Variants in APPBP2 observed in about 807,000 individuals in gnomAD.
The protein encoded by APPBP2 is amyloid protein-binding protein 2.
In APPBP2, 15 loss-of-function variants were observed where a neutral mutation model predicts 76.0. The ratio of observed to expected loss-of-function variants is 0.20; its 90% CI spans 0.13 to 0.30. The LOEUF is 0.30. APPBP2 is among the 10% of genes least tolerant of loss of function. The probability of loss-of-function intolerance (pLI) is 1.00; values close to 1 mark genes in which losing one functional copy is unlikely to be tolerated. For missense variants in APPBP2, 401 were observed against 687.2 expected, an observed-to-expected ratio of 0.58 and a Z score of 4.66; for synonymous variants, 222 against 242.2, an observed-to-expected ratio of 0.92 and a Z score of 0.77.
chr17:60,493,144 G>A (rs775411524), intron 3 of APPBP2, among the ~76,000 whole-genome samples: 9 of 151,988 alleles, frequency 5.9e-5, no homozygotes, highest in Non-Finnish European at 8.8e-5. Flanking sequence ...TCCACCTTCC[G>A]CCATGATTGT....
At chr17:60,509,958 A>G (rs1475001552) in intron 1 of APPBP2, among the ~76,000 whole-genome samples, 1 of 152,228 alleles carries the variant, frequency 6.6e-6, no homozygotes, top group African/African-American at 2.4e-5. Flanking sequence ...GGAATTCATT[A>G]TTCTATTCTA....
chr17:60,522,383 C>T (rs751302753), intron 1 of APPBP2, among the ~76,000 whole-genome samples: 5 of 152,128 alleles, frequency 3.3e-5, no homozygotes, highest in Admixed American at 6.6e-5. Context: ...AGTGCAGTGG[C>T]ACAATGACAG....
chr17:60,462,469 A>T (rs1331747313), intron 6 of APPBP2: 2 of 161,944 alleles, frequency 1.2e-5, no homozygotes, highest in African/African-American at 4.8e-5. Flanking sequence ...AATAATTTTT[A>T]AATGCATAGA....
In APPBP2 at chr17:60,503,313, C is replaced by T. The variant is rs1354035027; in HGVS notation, c.139-2826G>A. Among the ~76,000 whole-genome samples, 3 of 146,102 alleles carry T rather than the reference C, an allele frequency of 2.1e-5. 1 individual carries two copies. The highest frequency in any genetic ancestry group is 1.3e-4 in the Admixed American group (2 of 15,086). ...GGCATGAGTTTCTCTAGTTAAAATGCGCTCACATTTAAATTGACGGGAAAG... is the reference window on the plus strand; with the variant it reads ...GGCATGAGTTTCTCTAGTTAAAATGTGCTCACATTTAAATTGACGGGAAAG... On this transcript the variant is annotated intron_variant, in intron 1 of 12. Transcript: ENST00000083182.
chr17:60,524,610 G>GAAAAAAAAAAA (rs35185909), intron 1 of APPBP2, among the ~76,000 whole-genome samples: 6 of 49,942 alleles, frequency 1.2e-4, no homozygotes, highest in African/African-American at 2.7e-4. Flanking sequence ...TGCTAATTCT[G>GAAAAAAAAAAA]AAAAAAAAAA....
chr17:60,453,373 G>T (rs1015660180), intron 11 of APPBP2, among the ~76,000 whole-genome samples: 1 of 151,084 alleles, frequency 6.6e-6, no homozygotes, highest in Non-Finnish European at 1.5e-5. Flanking sequence ...TAGTAGAGAT[G>T]GGTTTTCACC....
chr17:60,494,381 G>C, intron 3 of APPBP2, 85 bp downstream of exon 3: 1 of 1,487,744 alleles, frequency 6.7e-7, no homozygotes, highest in Non-Finnish European at 9.1e-7. Context: ...GTAGACTTTG[G>C]GAAAGCCCTG....
intron 1 of APPBP2, among the ~76,000 whole-genome samples, chr17:60,523,229 G>A (rs941753988): frequency 2.0e-5 from 3 of 152,042 alleles, no homozygotes; most frequent in Non-Finnish European, 4.4e-5. Context: ...ATTTTCACAA[G>A]TTGGGCAGGG....
chr17:60,494,147 G>C (rs1198394609), intron 3 of APPBP2, among the ~76,000 whole-genome samples: 1 of 152,116 alleles, frequency 6.6e-6, no homozygotes, highest in Non-Finnish European at 1.5e-5. Flanking sequence ...ACATATTATG[G>C]AATCACATAG....
intron 4 of APPBP2, among the ~76,000 whole-genome samples, chr17:60,475,648 T>TACACAC (rs72415327): frequency 0.041 from 5,255 of 129,156 alleles, 146 homozygotes; most frequent in Middle Eastern, 0.088. Context: ...CAACTCTTTA[T>TACACAC]ACACACACAC....
At chr17:60,450,002 G>C (rs2090380863) in intron 12 of APPBP2, among the ~76,000 whole-genome samples, 1 of 151,784 alleles carries the variant, frequency 6.6e-6, no homozygotes, top group Non-Finnish European at 1.5e-5. Flanking sequence ...TCAGCATGTT[G>C]GCCAGGCTGG....
At chr17:60,509,919 A>C (rs1010369001) in intron 1 of APPBP2, among the ~76,000 whole-genome samples, 1 of 152,246 alleles carries the variant, frequency 6.6e-6, no homozygotes, top group African/African-American at 2.4e-5. Context: ...GCCAGAATCG[A>C]TAATTGTTAA....
Position 60,444,993 on chromosome 17 carries a change from G to T in APPBP2, c.*2588C>A, listed in dbSNP as rs1194271215. The T allele has an allele frequency of 6.6e-6, 1 of 152,078 alleles. No homozygotes were observed. Among genetic ancestry groups the T allele is most frequent in the African/African-American group, 2.4e-5 (1 of 41,412 alleles). 9.4% of individuals were successfully genotyped at this position (152,078 alleles called of 1,614,324 possible). ...AGATAAATTTTATTATTTTCTTCAAGATTTTTAAGAAACCCAATAAATCAT... is the reference window on the plus strand; with the variant it reads ...AGATAAATTTTATTATTTTCTTCAATATTTTTAAGAAACCCAATAAATCAT... On this transcript the variant is annotated 3_prime_UTR_variant, in exon 13 of 13. Coordinates refer to ENST00000083182, the MANE Select transcript of APPBP2 (RefSeq NM_006380.5).
Position 60,522,469 on chromosome 17 carries a change from A to G in APPBP2, c.138+3325T>C, listed in dbSNP as rs543597891. Among the ~76,000 whole-genome samples, 7 of 152,216 alleles carry G rather than the reference A, an allele frequency of 4.6e-5. No individual in the cohort carries two copies. In the South Asian group the frequency reaches 1.5e-3, roughly 32 times the overall value. ...CTCCCGAGTAGCTGGGATGACAGGC[A>G]TGCACCACCATGCCTGGATAACTTT... On this transcript the variant is annotated intron_variant, in intron 1 of 12. Transcript: ENST00000083182.
chr17:60,483,552 CCTGG>C (rs1377125024), intron 3 of APPBP2, among the ~76,000 whole-genome samples: 1 of 152,126 alleles, frequency 6.6e-6, no homozygotes, highest in East Asian at 1.9e-4. Context: ...CACCACCACA[CCTGG>C]CTATTTTTTT....
intron 3 of APPBP2, among the ~76,000 whole-genome samples, chr17:60,481,972 T>G (rs572943959): frequency 9.2e-5 from 14 of 152,314 alleles, no homozygotes; most frequent in African/African-American, 2.9e-4. Flanking sequence ...AACCTCCGCC[T>G]CCTGGGTTCA....
chr17:60,517,497 A>T (rs2090972451), intron 1 of APPBP2, among the ~76,000 whole-genome samples: 2 of 152,134 alleles, frequency 1.3e-5, no homozygotes, highest in Non-Finnish European at 1.5e-5. Context: ...CTGACATAAA[A>T]TTTTTTTCTA....
chr17:60,457,579 C>A (rs1469366910), intron 9 of APPBP2, among the ~76,000 whole-genome samples: 1 of 151,868 alleles, frequency 6.6e-6, no homozygotes, highest in African/African-American at 2.4e-5. Context: ...GTGTACACTG[C>A]CATGCCCAAC....
chr17:60,503,382 T>G (rs1182366395), intron 1 of APPBP2, among the ~76,000 whole-genome samples: 1 of 145,704 alleles, frequency 6.9e-6, no homozygotes, highest in East Asian at 1.9e-4. Context: ...ATCTAAAAAA[T>G]GCAAAGTAAT....
Sources: allele counts gnomAD v4.1 joint callset (sites outside exome capture counted in the v4.1 genomes callset), GRCh38; gene constraint gnomAD v4.1.1; transcripts MANE v1.5; gene names NCBI Gene and HGNC (gene_info 2026-07-23, HGNC 2026-07-21).